Variants in YIPF2 observed in about 807,000 individuals in gnomAD.
YIPF2 encodes Yip1 domain family member 2.
Under a neutral mutation model 38.8 loss-of-function variants are expected in YIPF2, and 30 were observed. The observed-to-expected ratio is 0.77, with a 90% CI of 0.58 to 1.05. YIPF2 has a LOEUF of 1.05. YIPF2 is among the 50% of genes least tolerant of loss of function. The pLI, the probability that YIPF2 is intolerant of heterozygous loss-of-function variation, is 0.00. For synonymous variants in YIPF2, 194 were observed against 183.8 expected (o/e 1.06, Z -0.45); for missense variants, 401 against 409.7 (o/e 0.98, Z 0.18).
chr19:10,928,083 T>A, intron 2 of YIPF2, 124 bp from the exon 3 acceptor site: 1 of 1,386,796 alleles, frequency 7.2e-7, no homozygotes, highest in Non-Finnish European at 9.8e-7. Context: ...TCCCCCAAGG[T>A]GGGGCCCAAC....
In YIPF2 at chr19:10,924,127, G is replaced by C; in HGVS notation, c.433C>G (p.Leu145Val). Residue 145 changes from leucine to valine, a missense_variant, in exon 6 of 10, where the codon CTG (leucine) becomes GTG (valine). By Grantham distance (32) the Leu-to-Val change is conservative. Transcript: ENST00000586748. ...LAVTGNLTLV[L>V]AQRRDPSIHY... ...ATGGAGGGGTCCCTCCTCTGGGCCA[G>C]CACCAGCGTCAGGTTGCCAGTGACG... is the stretch of plus-strand genomic sequence containing the variant. 1 of 1,613,764 alleles carries C rather than the reference G, an allele frequency of 6.2e-7. No homozygotes were observed. Among genetic ancestry groups the C allele is most frequent in the Non-Finnish European group, 8.5e-7 (1 of 1,179,952 alleles).
Position 10,925,673 on chromosome 19 carries a change from C to G in YIPF2, c.367+13G>C, listed in dbSNP as rs2083411474. On this transcript the variant is annotated intron_variant, in intron 5 of 9. Coordinates refer to ENST00000586748, the MANE Select transcript of YIPF2 (RefSeq NM_001321439.2). The stretch of plus-strand genomic sequence containing the variant: ...GTGATCCATCAAGGAACCAAATGCA[C>G]AACCTCACTCACCATACAGATCCGG... The G allele has an allele frequency of 6.2e-7, 1 of 1,613,894 alleles. No homozygotes were observed. Among genetic ancestry groups the G allele is most frequent in the Non-Finnish European group, 8.5e-7 (1 of 1,179,918 alleles).
In YIPF2 at chr19:10,928,453, A is replaced by T; in HGVS notation, c.-30-13T>A. 7.4e-7 allele frequency: 1 copy of T among 1,355,124 alleles called. No individual in the cohort carries two copies. 83.9% of individuals were successfully genotyped at this position (1,355,124 alleles called of 1,614,324 possible). On this transcript the variant is annotated splice_polypyrimidine_tract_variant and intron_variant, in intron 1 of 9. Coordinates refer to ENST00000586748, the MANE Select transcript of YIPF2 (RefSeq NM_001321439.2). ...TCCGCATCCCTCGCTGAGGACAGAG[A>T]CCGGTCAGGCACACTTCCCCCCCGC...
intron 3 of YIPF2, 32 bp from the exon 4 acceptor site, chr19:10,927,748 G>A: frequency 6.2e-7 from 1 of 1,611,808 alleles, no homozygotes; most frequent in Non-Finnish European, 8.5e-7. Context: ...TGCCTGCCCG[G>A]AGAGCCTGGG....
At chr19:10,927,346 A>G (rs1000793182) in intron 4 of YIPF2, among the ~76,000 whole-genome samples, 1 of 152,108 alleles carries the variant, frequency 6.6e-6, no homozygotes, top group African/African-American at 2.4e-5. Context: ...TGCCTGGAAC[A>G]TATACTCCTG....
chr19:10,927,873 C>G lies in YIPF2; in HGVS notation c.118G>C (p.Val40Leu), dbSNP rs748665976. Reference sequence around the variant, plus strand: ...CCACCTGAGCCCACGGCCACAGCCACGTGCCCTTGTGGGGTCAGCTGATCG... The same window carrying G: ...CCACCTGAGCCCACGGCCACAGCCAGGTGCCCTTGTGGGGTCAGCTGATCG... Reference protein sequence around the residue: ...RSDQLTPQGHVAVAVGSGGSY... With the variant: ...RSDQLTPQGHLAVAVGSGGSY... The change falls in exon 3 of 10, where the codon GTG becomes CTG. Residue 40 changes from valine (V) to leucine (L), a missense_variant. Transcript: ENST00000586748. The G allele has an allele frequency of 6.2e-7, 1 of 1,612,350 alleles. No individual in the cohort carries two copies. Among genetic ancestry groups the G allele is most frequent in the Admixed American group, 1.7e-5 (1 of 59,992 alleles).
intron 4 of YIPF2, 113 bp from the exon 5 acceptor site, chr19:10,925,886 G>T: frequency 2.9e-4 from 203 of 700,292 alleles, no homozygotes; most frequent in Non-Finnish European, 3.8e-4. Context: ...CCACCTGAAA[G>T]AACTCAGCCT....
chr19:10,925,787 C>G lies in YIPF2; in HGVS notation c.280-14G>C. The G allele has an allele frequency of 6.2e-7, 1 of 1,612,784 alleles. No homozygotes were observed. The highest frequency in any genetic ancestry group is 1.1e-5 in the South Asian group (1 of 90,926). Reference sequence around the variant, plus strand: ...CCGGTCCAGGACCTGGGGGCAAGGCCAAGGTCAAGGATGGAAGTCTGCCAG... The same window carrying G: ...CCGGTCCAGGACCTGGGGGCAAGGCGAAGGTCAAGGATGGAAGTCTGCCAG... On this transcript the variant is annotated splice_polypyrimidine_tract_variant and intron_variant, in intron 4 of 9. Transcript: ENST00000586748.
In YIPF2 at chr19:10,923,420, C is replaced by G. The variant is rs1285334057; in HGVS notation, c.835-13G>C. On this transcript the variant is annotated splice_polypyrimidine_tract_variant and intron_variant, in intron 8 of 9. Transcript: ENST00000586748. The stretch of plus-strand genomic sequence containing the variant: ...GGAAGAAGTACAACTGCACAAGACC[C>G]CTGGGGTCAGAGGCAGGGCCAGCCC... 6.2e-7 allele frequency: 1 copy of G among 1,613,498 alleles called. No homozygotes were observed. The highest frequency in any genetic ancestry group is 8.5e-7 in the Non-Finnish European group (1 of 1,179,696).
chr19:10,927,818 TC>T lies in YIPF2; in HGVS notation c.172del (p.Glu58ArgfsTer84), dbSNP rs1213977090. 6.2e-7 allele frequency: 1 copy of T among 1,607,852 alleles called. No individual in the cohort carries two copies. The highest frequency in any genetic ancestry group is 8.5e-7 in the Non-Finnish European group (1 of 1,176,280). On this transcript the variant is annotated frameshift_variant, in exon 3 of 10. Coordinates refer to ENST00000586748, the MANE Select transcript of YIPF2 (RefSeq NM_001321439.2). LOFTEE classifies it high-confidence loss of function. ...ACTCACCGCGGCCTTGTCACTCTCCTCCTCCACCTCATCCTCGGCTCCATAG... is the reference window on the plus strand; with the variant it reads ...ACTCACCGCGGCCTTGTCACTCTCCTCTCCACCTCATCCTCGGCTCCATAG... Reference protein sequence around the residue: ...GSYGAEDEVEEESDKAALLQE... With the variant: ...GSYGAEDEVEXESDKAALLQE...
chr19:10,928,029 A>G, intron 2 of YIPF2, 70 bp from the exon 3 acceptor site: 3 of 1,546,526 alleles, frequency 1.9e-6, no homozygotes, highest in East Asian at 4.6e-5. Context: ...CCCAAGCTAA[A>G]CCGATGCTCA....
At chr19:10,927,430 G>T (rs1452027040) in intron 4 of YIPF2, among the ~76,000 whole-genome samples, 200 bp downstream of exon 4, 1 of 152,158 alleles carries the variant, frequency 6.6e-6, no homozygotes, top group African/African-American at 2.4e-5. Context: ...TCCCCCAGGA[G>T]GCCTTTCTCT....
chr19:10,928,614 G>C lies in YIPF2; in HGVS notation c.-134C>G. The C allele has an allele frequency of 1.2e-6, 1 of 869,182 alleles. No individual in the cohort carries two copies. Among genetic ancestry groups the C allele is most frequent in the Non-Finnish European group, 1.6e-6 (1 of 610,582 alleles). 53.8% of individuals were successfully genotyped at this position (869,182 alleles called of 1,614,324 possible). ...GGCCACCTGGGCCGGCGTGGCTGGG[G>C]CTCTCTGCGCCTGCGCGTCTCGCCT... is the stretch of plus-strand genomic sequence containing the variant. On this transcript the variant is annotated 5_prime_UTR_variant, in exon 1 of 10. Transcript: ENST00000586748.
chr19:10,924,016 G>A lies in YIPF2; in HGVS notation c.485-17C>T. 6.2e-7 allele frequency: 1 copy of A among 1,612,500 alleles called. No individual in the cohort carries two copies. Among genetic ancestry groups the A allele is most frequent in the Non-Finnish European group, 8.5e-7 (1 of 1,179,192 alleles). ...CCACGGTCACTGGGGGGGGCAAGGT[G>A]AGCAGTCACCCCCTGTACCCCAGGG... is the stretch of plus-strand genomic sequence containing the variant. On this transcript the variant is annotated splice_polypyrimidine_tract_variant and intron_variant, in intron 6 of 9. Transcript: ENST00000586748.
Position 10,928,574 on chromosome 19 carries a change from C to G in YIPF2, c.-94G>C, listed in dbSNP as rs979006553. 15 of 1,039,250 alleles carry G rather than the reference C, an allele frequency of 1.4e-5. No individual in the cohort carries two copies. In the East Asian group the frequency reaches 4.5e-4, roughly 31 times the overall value. 64.4% of individuals were successfully genotyped at this position (1,039,250 alleles called of 1,614,324 possible). A position where few individuals can be genotyped will look rare whatever the true frequency, so the allele number is the denominator to read the frequency against. On this transcript the variant is annotated 5_prime_UTR_variant, in exon 1 of 10. Transcript: ENST00000586748. ...GTCCCGTCCCCACAGGTGCGCTCCG[C>G]CCCCCCTCACCTGAGGCCACCTGGG...
At chr19:10,926,071 TGG>T (rs2083420422) in intron 4 of YIPF2, among the ~76,000 whole-genome samples, 1 of 149,878 alleles carries the variant, frequency 6.7e-6, no homozygotes, top group African/African-American at 2.5e-5. Flanking sequence ...CCACCACGCC[TGG>T]CTAATAGTTG....
chr19:10,928,497 GC>G lies in YIPF2; in HGVS notation c.-31+13del. ...CCCCCGCCCCCGAGCCGGTCCCTCG[GC>G]CCCCAGCCCTACCTGGCGACCAACT... On this transcript the variant is annotated intron_variant, in intron 1 of 9. Transcript: ENST00000586748. The G allele has an allele frequency of 1.5e-6, 2 of 1,345,018 alleles. No individual in the cohort carries two copies. The highest frequency in any genetic ancestry group is 4.0e-5 in the South Asian group (2 of 49,488). 83.3% of individuals were successfully genotyped at this position (1,345,018 alleles called of 1,614,324 possible). A position where few individuals can be genotyped will look rare whatever the true frequency, so the allele number is the denominator to read the frequency against.
In YIPF2 at chr19:10,927,905, CTGG is replaced by C; in HGVS notation, c.83_85del (p.Thr28del). On this transcript the variant is annotated inframe_deletion, in exon 3 of 10. Transcript: ENST00000586748. ...TTGTGGGGTCAGCTGATCGCTTCTG[CTGG>C]TGGTGGCTGCATCTGGGGTGTCAGC... 1 of 1,612,122 alleles carries C rather than the reference CTGG, an allele frequency of 6.2e-7. No homozygotes were observed. Among genetic ancestry groups the C allele is most frequent in the Non-Finnish European group, 8.5e-7 (1 of 1,178,540 alleles).
Position 10,925,911 on chromosome 19 carries a change from T to C in YIPF2, c.280-138A>G, listed in dbSNP as rs2145273642. On this transcript the variant is annotated intron_variant, in intron 4 of 9. Coordinates refer to ENST00000586748, the MANE Select transcript of YIPF2 (RefSeq NM_001321439.2). The stretch of plus-strand genomic sequence containing the variant: ...GAACTCAGCCTTTCCCTCTCTTTTT[T>C]TTTTTTTTTTTTTTTGAGACAGAGT... 4.1e-5 allele frequency: 30 copies of C among 735,618 alleles called. No individual in the cohort carries two copies. The South Asian group carries it at 5.8e-4, about 14-fold the overall frequency. 45.6% of individuals were successfully genotyped at this position (735,618 alleles called of 1,614,324 possible). A position where few individuals can be genotyped will look rare whatever the true frequency, so the allele number is the denominator to read the frequency against.
Sources: gnomAD v4.1 joint callset for allele counts (sites outside exome capture counted in the v4.1 genomes callset) on GRCh38, gnomAD v4.1.1 for gene constraint, MANE v1.5 for transcripts, NCBI Gene and HGNC (gene_info 2026-07-23, HGNC 2026-07-21) for gene names.